The following FSTL4 variants were observed in gnomAD, a reference collection of about 807,000 sequenced individuals.
The protein encoded by FSTL4 is follistatin like 4.
Under a neutral mutation model 78.2 loss-of-function variants are expected in FSTL4, and 28 were observed. The ratio of observed to expected loss-of-function variants is 0.36; its 90% CI spans 0.27 to 0.49. FSTL4 has a LOEUF of 0.49. FSTL4 is among the 20% of genes least tolerant of loss of function. The pLI is 0.98. For synonymous variants in FSTL4, 422 were observed against 440.5 expected, an observed-to-expected ratio of 0.96 and a Z score of 0.53; for missense variants, 922 against 1,084.9, an observed-to-expected ratio of 0.85 and a Z score of 2.11.
In FSTL4 at chr5:133,225,339, T is replaced by C. The variant is rs1751295410; in HGVS notation, c.1178-55A>G. 6.2e-7 allele frequency: 1 copy of C among 1,608,526 alleles called. No homozygotes were observed. ...TGCTCAGCTGGAGACCCACTCACTTTCCTTTATGGGGCCATTGAGAGTGTT... is the reference window on the plus strand; with the variant it reads ...TGCTCAGCTGGAGACCCACTCACTTCCCTTTATGGGGCCATTGAGAGTGTT... On this transcript the variant is annotated intron_variant, in intron 9 of 15. Transcript: ENST00000265342. The surrounding 1 kb of genome is among the most constrained non-coding windows in gnomAD (Gnocchi z 4.6).
At chr5:133,217,490 T>A in intron 12 of FSTL4, 112 bp from the exon 13 acceptor site, 2 of 982,786 alleles carry the variant, frequency 2.0e-6, no homozygotes, top group South Asian at 1.7e-5. Flanking sequence ...TCTCTTAGAA[T>A]CCTTTGGATC....
At chr5:133,803,094 A>C in the FSTL4 span, among the ~76,000 whole-genome samples, 1 of 152,202 alleles carries the variant, frequency 6.6e-6, no homozygotes, top group African/African-American at 2.4e-5. Flanking sequence ...AACCAAGAGA[A>C]GGAGGAGAGA....
chr5:133,561,780 C>T (rs530707066), intron 3 of FSTL4, among the ~76,000 whole-genome samples: 2 of 152,106 alleles, frequency 1.3e-5, no homozygotes, highest in Non-Finnish European at 2.9e-5. Context: ...AGTAACTTAC[C>T]TGAAGTCACA....
intron 5 of FSTL4, 99 bp downstream of exon 5, chr5:133,316,360 G>A (rs1010097871): frequency 1.0e-4 from 88 of 856,694 alleles, no homozygotes; most frequent in Non-Finnish European, 1.5e-4. Context: ...GATGTTCTCA[G>A]AGGTATTGAA....
chr5:133,692,713 G>A, the FSTL4 span, among the ~76,000 whole-genome samples: 1 of 152,202 alleles, frequency 6.6e-6, no homozygotes, highest in Non-Finnish European at 1.5e-5. Flanking sequence ...TGTCTTCCAA[G>A]AGTGAGCAGA....
At chr5:133,250,118 G>C (rs547211711) in intron 6 of FSTL4, among the ~76,000 whole-genome samples, 2 of 152,220 alleles carry the variant, frequency 1.3e-5, no homozygotes, top group African/African-American at 2.4e-5. Flanking sequence ...CTTGGATTTG[G>C]ATTTCTGTCC....
chr5:133,817,583 A>C, the FSTL4 span, among the ~76,000 whole-genome samples: 1 of 152,200 alleles, frequency 6.6e-6, no homozygotes, highest in Middle Eastern at 3.2e-3. Context: ...GCATGGAGGA[A>C]GGGCCACAGC....
intron 3 of FSTL4, among the ~76,000 whole-genome samples, chr5:133,475,352 A>G (rs1757907539): frequency 6.6e-6 from 1 of 152,210 alleles, no homozygotes; most frequent in Non-Finnish European, 1.5e-5. Context: ...AGATGCTTTC[A>G]CAAAGGCGGC....
chr5:133,830,132 C>G, the FSTL4 span, among the ~76,000 whole-genome samples: 793 of 152,332 alleles, frequency 5.2e-3, 3 homozygotes, highest in Non-Finnish European at 8.2e-3. Flanking sequence ...GACAAATGGG[C>G]TAATGAGATA....
At chr5:133,406,367 T>G (rs560218110) in intron 3 of FSTL4, among the ~76,000 whole-genome samples, 2 of 152,330 alleles carry the variant, frequency 1.3e-5, no homozygotes, top group African/African-American at 2.4e-5. Context: ...AGTTTCACCC[T>G]GCCCAACTGT....
At chr5:133,485,711 G>A (rs796867709) in intron 3 of FSTL4, among the ~76,000 whole-genome samples, 1 of 152,184 alleles carries the variant, frequency 6.6e-6, no homozygotes, top group Non-Finnish European at 1.5e-5. Context: ...TCGGGTCCTC[G>A]GCAAGCACTC....
At chr5:133,758,828 A>G in the FSTL4 span, among the ~76,000 whole-genome samples, 3,518 of 152,322 alleles carry the variant, frequency 0.023, 104 homozygotes, top group African/African-American at 0.072. Context: ...TGACACCACC[A>G]GAGCAGTCAT....
intron 7 of FSTL4, among the ~76,000 whole-genome samples, chr5:133,235,700 A>C (rs1219768203): frequency 6.6e-6 from 1 of 151,992 alleles, no homozygotes; most frequent in Non-Finnish European, 1.5e-5. Context: ...GGAAACCCTG[A>C]GAGTTTGTTG....
intron 2 of FSTL4, among the ~76,000 whole-genome samples, chr5:133,594,498 C>T (rs1450607045): frequency 6.6e-6 from 1 of 152,196 alleles, no homozygotes; most frequent in African/African-American, 2.4e-5. Context: ...CGGCCAGAAG[C>T]CTGCTCTTCA....
chr5:133,233,784 G>A (rs1751574520), intron 7 of FSTL4, among the ~76,000 whole-genome samples: 1 of 152,088 alleles, frequency 6.6e-6, no homozygotes, highest in Non-Finnish European at 1.5e-5. Flanking sequence ...CCTCCTCCAC[G>A]AGGCCCGGTT....
chr5:133,280,757 C>T (rs1255414192), intron 6 of FSTL4, among the ~76,000 whole-genome samples: 1 of 152,224 alleles, frequency 6.6e-6, no homozygotes, highest in African/African-American at 2.4e-5. Context: ...GCCTCCCCTA[C>T]AGCTTCCCTG....
chr5:133,474,212 T>C (rs1283181061), intron 3 of FSTL4, among the ~76,000 whole-genome samples: 1 of 152,106 alleles, frequency 6.6e-6, no homozygotes, highest in African/African-American at 2.4e-5. Flanking sequence ...AACCAGGGAA[T>C]GGGACATTCA....
chr5:133,392,757 G>A (rs1242474353), intron 4 of FSTL4, among the ~76,000 whole-genome samples: 1 of 152,180 alleles, frequency 6.6e-6, no homozygotes, highest in Admixed American at 6.5e-5. Context: ...AGCAAAGGAG[G>A]GGTTGGAGAA....
At chr5:133,714,306 G>A in the FSTL4 span, among the ~76,000 whole-genome samples, 1 of 152,062 alleles carries the variant, frequency 6.6e-6, no homozygotes, top group African/African-American at 2.4e-5. Context: ...CCAGGCCCTG[G>A]GCTCCCTTTA....
Sources: allele counts gnomAD v4.1 joint callset (sites outside exome capture counted in the v4.1 genomes callset), GRCh38; gene constraint gnomAD v4.1.1; non-coding constraint Gnocchi (gnomAD v3.1); transcripts MANE v1.5; gene names NCBI Gene and HGNC (gene_info 2026-07-23, HGNC 2026-07-21).